U2SURP: variants seen among roughly 807,000 people sequenced by gnomAD.
The protein encoded by U2SURP is U2 snRNP-associated SURP motif-containing protein.
In U2SURP, 9 loss-of-function variants were observed where a neutral mutation model predicts 144.9. The ratio of observed to expected loss-of-function variants is 0.06; its 90% confidence interval spans 0.04 to 0.11. The LOEUF is 0.11. U2SURP is among the 10% of genes least tolerant of loss of function. The pLI is 1.00. For missense variants in U2SURP, 724 were observed against 1,226.7 expected (o/e 0.59, Z 6.12); for synonymous variants, 408 against 396.8 (o/e 1.03, Z -0.33).
At chr3:143,028,790 C>T in intron 16 of U2SURP, 144 bp downstream of exon 16, 1 of 707,398 alleles carries the variant, frequency 1.4e-6, no homozygotes, top group Non-Finnish European at 2.3e-6. Context: ...TCATCATGTG[C>T]TTTATAATTT....
At chr3:143,019,427 A>G (rs1936530130) in intron 6 of U2SURP, among the ~76,000 whole-genome samples, 1 of 152,160 alleles carries the variant, frequency 6.6e-6, no homozygotes, top group African/African-American at 2.4e-5. Context: ...ATGTCCATGA[A>G]CCATTTTGAG....
At chr3:143,044,238 C>G (rs1934276438) in intron 24 of U2SURP, among the ~76,000 whole-genome samples, 2 of 150,046 alleles carry the variant, frequency 1.3e-5, no homozygotes, top group Admixed American at 1.3e-4. Context: ...AGAGCCCAGA[C>G]TATCTCAGGC....
chr3:143,037,403 A>C, intron 21 of U2SURP, 68 bp downstream of exon 21: 1 of 1,394,110 alleles, frequency 7.2e-7, no homozygotes, highest in Non-Finnish European at 1.0e-6. Context: ...TAATTTCCAT[A>C]CATGCTGATA....
In U2SURP at chr3:143,043,035, A is replaced by G. The variant is rs1934199302; in HGVS notation, c.2385-82A>G. On this transcript the variant is annotated intron_variant, in intron 23 of 27. Transcript: ENST00000473835. Reference sequence around the variant, plus strand: ...GCTATGTTATTTAAGCTCTAAGACAATGAAAAATAAAATAGGTAGACTGTA... The same window carrying G: ...GCTATGTTATTTAAGCTCTAAGACAGTGAAAAATAAAATAGGTAGACTGTA... The G allele has an allele frequency of 2.2e-5, 30 of 1,336,592 alleles. No individual in the cohort carries two copies. In the South Asian group the frequency reaches 4.7e-4, roughly 21 times the overall value. The allele number at this position is 1,336,592 out of a possible 1,614,324, so 82.8% of individuals were successfully genotyped here.
chr3:143,041,811 C>G (rs1934121443), intron 23 of U2SURP, among the ~76,000 whole-genome samples: 2 of 151,950 alleles, frequency 1.3e-5, no homozygotes, highest in Admixed American at 1.3e-4. Context: ...TTGCGAGATT[C>G]AAGTATTAAA....
At chr3:143,025,210 T>G (rs559613351) in intron 13 of U2SURP, among the ~76,000 whole-genome samples, 2 of 152,230 alleles carry the variant, frequency 1.3e-5, no homozygotes, top group Non-Finnish European at 2.9e-5. Context: ...CTATAGTGGG[T>G]TTTTCACCAC....
chr3:143,053,110 A>G (rs962025262), intron 25 of U2SURP, among the ~76,000 whole-genome samples: 2 of 152,030 alleles, frequency 1.3e-5, no homozygotes, highest in African/African-American at 4.8e-5. Context: ...TTTCTTTGGT[A>G]AGAGCTCTTT....
intron 1 of U2SURP, among the ~76,000 whole-genome samples, chr3:143,006,452 T>G (rs891692028): frequency 2.0e-5 from 3 of 152,102 alleles, no homozygotes; most frequent in African/African-American, 7.2e-5. Context: ...AAATGTTAAA[T>G]AAGAATGTAC....
intron 16 of U2SURP, among the ~76,000 whole-genome samples, chr3:143,031,928 A>G (rs192555575): frequency 6.6e-6 from 1 of 152,326 alleles, no homozygotes; most frequent in East Asian, 1.9e-4. Context: ...CATAGGCTAA[A>G]TATGGCTGCC....
In U2SURP at chr3:143,057,404, C is replaced by CCA. The variant is rs1025334931; in HGVS notation, c.*955_*956insAC. The CCA allele has an allele frequency of 3.3e-5, 5 of 151,304 alleles. No homozygotes were observed. The highest frequency in any genetic ancestry group is 4.9e-5 in the African/African-American group (2 of 41,026). 9.4% of individuals were successfully genotyped at this position (151,304 alleles called of 1,614,324 possible). A position where few individuals can be genotyped will look rare whatever the true frequency, so the allele number is the denominator to read the frequency against. On this transcript the variant is annotated 3_prime_UTR_variant, in exon 28 of 28. Coordinates refer to ENST00000473835, the MANE Select transcript of U2SURP (RefSeq NM_001080415.2). ...TGTTTAAACAGCTTAGTTGGTCCCC[C>CCA]CCCACTCCCAAGAGACTTGGGTTTA...
intron 12 of U2SURP, 130 bp downstream of exon 12, chr3:143,023,194 G>T: frequency 1.3e-6 from 1 of 768,664 alleles, no homozygotes; most frequent in Non-Finnish European, 2.0e-6. Context: ...GAAATAAGTA[G>T]ATGTGTTCCC....
At chr3:143,024,420 C>G in intron 13 of U2SURP, 1 of 399,844 alleles carries the variant, frequency 2.5e-6, no homozygotes, top group South Asian at 1.9e-5. Flanking sequence ...AATATATAAC[C>G]TTGGTTTGAG....
At chr3:143,054,244 G>A (rs1363820625) in intron 26 of U2SURP, among the ~76,000 whole-genome samples, 3 of 152,124 alleles carry the variant, frequency 2.0e-5, no homozygotes, top group Non-Finnish European at 4.4e-5. Context: ...CTAATCAAAA[G>A]CATTTCTCTT....
chr3:143,006,948 AG>A (rs1309301206), intron 1 of U2SURP, among the ~76,000 whole-genome samples: 1 of 152,212 alleles, frequency 6.6e-6, no homozygotes, highest in Non-Finnish European at 1.5e-5. Context: ...GCAGAATGGT[AG>A]TGTTGGAGGA....
intron 6 of U2SURP, 67 bp from the exon 7 acceptor site, chr3:143,019,902 C>G: frequency 6.0e-6 from 5 of 831,794 alleles, no homozygotes; most frequent in Non-Finnish European, 8.8e-6. Flanking sequence ...TAAAAAGGCT[C>G]TTATTATTGA....
At position 143,001,800 on chromosome 3, in the gene U2SURP, G is replaced by C. The variant is rs1249645585; in HGVS notation, c.45+127G>C. The C allele has an allele frequency of 1.0e-5, 13 of 1,249,820 alleles. No individual in the cohort carries two copies. The East Asian group carries it at 3.3e-4, about 32-fold the overall frequency. The allele number at this position is 1,249,820 out of a possible 1,614,324, so 77.4% of individuals were successfully genotyped here. On this transcript the variant is annotated intron_variant, in intron 1 of 27. Coordinates refer to ENST00000473835, the MANE Select transcript of U2SURP (RefSeq NM_001080415.2). ...ATTCTAGTCGCGACGGTAGGCCCGGGCGCCGCCGCACCGTTGTGCGCAGGT... is the reference window on the plus strand; with the variant it reads ...ATTCTAGTCGCGACGGTAGGCCCGGCCGCCGCCGCACCGTTGTGCGCAGGT...
intron 23 of U2SURP, among the ~76,000 whole-genome samples, 163 bp downstream of exon 23, chr3:143,039,123 C>A (rs188029491): frequency 2.0e-5 from 3 of 151,816 alleles, no homozygotes; most frequent in African/African-American, 7.2e-5. Context: ...GAATAAAGAG[C>A]TTTTGTTTTC....
At chr3:143,045,912 AGAACTCG>A (rs1560202077) in intron 24 of U2SURP, among the ~76,000 whole-genome samples, 2 of 152,254 alleles carry the variant, frequency 1.3e-5, no homozygotes, top group African/African-American at 4.8e-5. Context: ...AACTTGGACT[AGAACTCG>A]GAGCTCATGA....
chr3:143,033,040 AT>A, intron 17 of U2SURP, 94 bp downstream of exon 17: 2 of 1,364,520 alleles, frequency 1.5e-6, no homozygotes, highest in Non-Finnish European at 1.0e-6. Context: ...GACTGATGAG[AT>A]TTTTCCCATG....
Sources: allele counts gnomAD v4.1 joint callset (sites outside exome capture counted in the v4.1 genomes callset), GRCh38; gene constraint gnomAD v4.1.1; transcripts MANE v1.5; gene names NCBI Gene and HGNC (gene_info 2026-07-23, HGNC 2026-07-21).